SYNE1: variants seen among roughly 807,000 people sequenced by gnomAD.
SYNE1 encodes nesprin-1.
A neutral mutation model predicts 1,111.0 loss-of-function variants in SYNE1; 616 were observed. The ratio of observed to expected loss-of-function variants is 0.55; its 90% CI spans 0.52 to 0.59. The LOEUF is 0.59. SYNE1 is among the 20% of genes least tolerant of loss of function. The probability of loss-of-function intolerance (pLI) is 0.00; values close to 1 mark genes in which losing one functional copy is unlikely to be tolerated. For missense variants in SYNE1, 10,006 were observed against 10,417.0 expected (o/e 0.96, Z 1.72); for synonymous variants, 3,855 against 3,825.8 (o/e 1.01, Z -0.28).
chr6:152,164,494 TACAG>T (rs2063212368), intron 130 of SYNE1, among the ~76,000 whole-genome samples, 169 bp from the exon 131 acceptor site: 2 of 152,090 alleles, frequency 1.3e-5, no homozygotes, highest in Admixed American at 6.5e-5. Flanking sequence ...TAGAGATGAA[TACAG>T]ACAAAGGAGC....
chr6:152,569,928 G>A (rs1483337458), intron 3 of SYNE1, among the ~76,000 whole-genome samples: 1 of 152,132 alleles, frequency 6.6e-6, no homozygotes, highest in South Asian at 2.1e-4. Context: ...TTAAATTACA[G>A]GTGATCTGAA....
intron 84 of SYNE1, 35 bp downstream of exon 84, chr6:152,321,203 A>T (rs2095862320): frequency 6.2e-7 from 1 of 1,611,618 alleles, no homozygotes; most frequent in African/African-American, 1.3e-5. Context: ...CTATAAACAA[A>T]ATGGAAAGAC....
chr6:152,511,187 A>G, intron 6 of SYNE1, 84 bp from the exon 7 acceptor site: 10 of 1,219,366 alleles, frequency 8.2e-6, no homozygotes, highest in Non-Finnish European at 1.2e-5. Context: ...CCTTTAGTAG[A>G]CATCAATAAG....
Position 152,148,550 on chromosome 6 carries a change from G to T in SYNE1, c.24643-172C>A, listed in dbSNP as rs2059891138. Reference sequence around the variant, plus strand: ...TGCTGCTCTAGAGTTTGACTGTCTGGGTTGAAATCTCAGTTACGCTGTGTG... The same window carrying T: ...TGCTGCTCTAGAGTTTGACTGTCTGTGTTGAAATCTCAGTTACGCTGTGTG... On this transcript the variant is annotated intron_variant, in intron 136 of 145. Coordinates refer to ENST00000367255, the MANE Select transcript of SYNE1 (RefSeq NM_182961.4). This position sits in a 1 kb window ranked among gnomAD's most constrained non-coding sequence, Gnocchi z 4.1. Among the ~76,000 whole-genome samples the T allele has an allele frequency of 6.6e-6, 1 of 152,234 alleles. No homozygotes were observed. Among genetic ancestry groups the T allele is most frequent in the South Asian group, 2.1e-4 (1 of 4,814 alleles).
intron 102 of SYNE1, among the ~76,000 whole-genome samples, chr6:152,256,383 T>C (rs1160757912): frequency 6.6e-6 from 1 of 151,894 alleles, no homozygotes; most frequent in Non-Finnish European, 1.5e-5. Flanking sequence ...TGAGCCGAGA[T>C]TGCACCACTG....
chr6:152,283,622 T>A (rs892054183), intron 96 of SYNE1, among the ~76,000 whole-genome samples: 3 of 152,142 alleles, frequency 2.0e-5, no homozygotes, highest in African/African-American at 7.2e-5. Flanking sequence ...CCACAACCTC[T>A]GCCTCCCGGG....
chr6:152,380,914 TTTAG>T (rs1591544667), intron 56 of SYNE1, 88 bp downstream of exon 56: 3 of 1,290,752 alleles, frequency 2.3e-6, no homozygotes, highest in Non-Finnish European at 3.4e-6. Context: ...GTTGCGTGTT[TTTAG>T]TTAGCAAGAT....
At chr6:152,550,227 A>G (rs1052587338) in intron 3 of SYNE1, among the ~76,000 whole-genome samples, 1 of 151,948 alleles carries the variant, frequency 6.6e-6, no homozygotes, top group Non-Finnish European at 1.5e-5. Context: ...TGATGTCTGA[A>G]ATTATGTCAT....
chr6:152,299,348 T>C (rs1269620818), intron 93 of SYNE1, among the ~76,000 whole-genome samples: 3 of 152,172 alleles, frequency 2.0e-5, no homozygotes, highest in Admixed American at 6.5e-5. Flanking sequence ...GAATGAGTAA[T>C]ACATATTTTA....
intron 129 of SYNE1, among the ~76,000 whole-genome samples, chr6:152,179,727 C>T (rs1364041812): frequency 8.2e-6 from 1 of 121,394 alleles, no homozygotes; most frequent in Non-Finnish European, 1.6e-5. Flanking sequence ...GTTCTGTCAC[C>T]AGGCTGGAGT....
rs1348034334 is a variant in SYNE1, at chr6:152,451,059, A to G, written c.3174T>C (p.Ile1058=). 1 of 1,614,050 alleles carries G rather than the reference A, an allele frequency of 6.2e-7. No individual in the cohort carries two copies. The highest frequency in any genetic ancestry group is 1.3e-5 in the African/African-American group (1 of 74,988). ...GTGGGAGACGTACCCTGTGCTCTTT[A>G]ATTATCTTTTCACTGCCTTCCTGGG... is the stretch of plus-strand genomic sequence containing the variant. The part of the protein sequence containing the change: ...LMPQEGSEKI[I]KEHRVFFSDK... The change falls in exon 26 of 146, where the codon ATT becomes ATC. Residue 1058 remains isoleucine, a synonymous_variant. Coordinates refer to ENST00000367255, the MANE Select transcript of SYNE1 (RefSeq NM_182961.4).
At chr6:152,264,340 T>C (rs924266520) in intron 100 of SYNE1, among the ~76,000 whole-genome samples, 4 of 151,830 alleles carry the variant, frequency 2.6e-5, no homozygotes, top group African/African-American at 9.7e-5. Flanking sequence ...ATACTAGATA[T>C]TAATTAATAT....
At chr6:152,339,619 G>C (rs533815775) in intron 74 of SYNE1, among the ~76,000 whole-genome samples, 1 of 152,164 alleles carries the variant, frequency 6.6e-6, no homozygotes, top group African/African-American at 2.4e-5. Context: ...AGGGGAAAAC[G>C]CAAGAAACTT....
intron 34 of SYNE1, among the ~76,000 whole-genome samples, chr6:152,431,574 G>T (rs2098429071): frequency 6.6e-6 from 1 of 152,144 alleles, no homozygotes; most frequent in Non-Finnish European, 1.5e-5. Context: ...TATATAAGAA[G>T]ATGAAAATTA....
At position 152,454,093 on chromosome 6, in the gene SYNE1, A is replaced by C. The variant is rs150446722; in HGVS notation, c.2893-373T>G. Among the ~76,000 whole-genome samples the C allele has an allele frequency of 8.5e-5, 13 of 152,316 alleles. No homozygotes were observed. The East Asian group carries it at 2.5e-3, about 29-fold the overall frequency. ...GAAGAACAGAACAGAAGCCAGGACTAAGCTTCATAATTCCACATTCCCCAA... is the reference window on the plus strand; with the variant it reads ...GAAGAACAGAACAGAAGCCAGGACTCAGCTTCATAATTCCACATTCCCCAA... On this transcript the variant is annotated intron_variant, in intron 24 of 145. Coordinates refer to ENST00000367255, the MANE Select transcript of SYNE1 (RefSeq NM_182961.4).
intron 2 of SYNE1, among the ~76,000 whole-genome samples, chr6:152,631,436 C>T (rs1173492427): frequency 6.6e-6 from 1 of 152,064 alleles, no homozygotes; most frequent in Non-Finnish European, 1.5e-5. Context: ...GTGCTATGCT[C>T]AGAAGTTTGG....
intron 121 of SYNE1, among the ~76,000 whole-genome samples, 198 bp from the exon 122 acceptor site, chr6:152,215,258 T>C (rs2078355800): frequency 6.6e-6 from 1 of 152,242 alleles, no homozygotes. Flanking sequence ...AAACTGCTGC[T>C]GCTGCTGCTA....
At chr6:152,421,272 T>A (rs1445377689) in intron 39 of SYNE1, among the ~76,000 whole-genome samples, 1 of 152,226 alleles carries the variant, frequency 6.6e-6, no homozygotes, top group Non-Finnish European at 1.5e-5. Context: ...CAGGCACAGA[T>A]AAACCTTTTG....
intron 4 of SYNE1, among the ~76,000 whole-genome samples, chr6:152,530,857 T>G (rs919002834): frequency 3.3e-5 from 5 of 151,924 alleles, no homozygotes; most frequent in Admixed American, 3.3e-4. Flanking sequence ...TCTCCTGACC[T>G]CATGATCTGC....
Sources: gnomAD v4.1 joint callset for allele counts (sites outside exome capture counted in the v4.1 genomes callset) on GRCh38, gnomAD v4.1.1 for gene constraint, Gnocchi (gnomAD v3.1) non-coding constraint, MANE v1.5 for transcripts, NCBI Gene and HGNC (gene_info 2026-07-23, HGNC 2026-07-21) for gene names.